The following CTNND2 variants were observed in gnomAD, a reference collection of about 807,000 sequenced individuals.
The protein encoded by CTNND2 is catenin delta-2.
A neutral mutation model predicts 144.4 loss-of-function variants in CTNND2; 22 were observed. The ratio of observed to expected loss-of-function variants is 0.15; its 90% confidence interval spans 0.11 to 0.22. The LOEUF is 0.22. Among genes scored for constraint, CTNND2 ranks in the 10% least tolerant of loss-of-function variants. The pLI is 1.00. For missense variants in CTNND2, 1,353 were observed against 1,618.8 expected, an observed-to-expected ratio of 0.84 and a Z score of 2.82; for synonymous variants, 751 against 695.6, an observed-to-expected ratio of 1.08 and a Z score of -1.25.
At chr5:11,732,947 A>C (rs1481588987) in intron 1 of CTNND2, among the ~76,000 whole-genome samples, 1 of 151,960 alleles carries the variant, frequency 6.6e-6, no homozygotes, top group Non-Finnish European at 1.5e-5. Flanking sequence ...GCCTCCATAA[A>C]ACCCCAGAGG....
Position 11,384,783 on chromosome 5 carries a change from G to C in CTNND2, c.1059C>G (p.Ile353Met). 1 of 1,613,188 alleles carries C rather than the reference G, an allele frequency of 6.2e-7. No individual in the cohort carries two copies. The highest frequency in any genetic ancestry group is 8.5e-7 in the Non-Finnish European group (1 of 1,179,702). ...TGGGCGACAGGGTGGCGTACGTGCC[G>C]ATGGTGGAGCTCAGCTGGTGGATGG... is the stretch of plus-strand genomic sequence containing the variant. ...SSPIHQLSST[I>M]GTYATLSPTK... The change falls in exon 7 of 22, where the codon ATC becomes ATG. Residue 353 changes from isoleucine to methionine, a missense_variant. By Grantham distance (10) the Ile-to-Met change is conservative. Coordinates refer to ENST00000304623, the MANE Select transcript of CTNND2 (RefSeq NM_001332.4). This position sits in a 1 kb window ranked among gnomAD's most constrained non-coding sequence, Gnocchi z 5.2.
intron 15 of CTNND2, among the ~76,000 whole-genome samples, chr5:11,091,331 G>A (rs935312536): frequency 1.3e-5 from 2 of 152,108 alleles, no homozygotes; most frequent in African/African-American, 4.8e-5. Context: ...GACTCTAGAG[G>A]TTTTATTTGA....
chr5:11,102,223 T>C (rs1033580944), intron 14 of CTNND2, among the ~76,000 whole-genome samples: 3 of 152,200 alleles, frequency 2.0e-5, no homozygotes, highest in Admixed American at 6.5e-5. Flanking sequence ...CTTACAGATA[T>C]TACTTCAATG....
At chr5:11,493,463 T>A (rs373477033) in intron 3 of CTNND2, among the ~76,000 whole-genome samples, 1 of 152,216 alleles carries the variant, frequency 6.6e-6, no homozygotes, top group African/African-American at 2.4e-5. Flanking sequence ...GAAGGTTCCT[T>A]AGAGCTGTAC....
At chr5:11,468,912 G>T (rs1766910653) in intron 3 of CTNND2, among the ~76,000 whole-genome samples, 1 of 152,132 alleles carries the variant, frequency 6.6e-6, no homozygotes, top group Non-Finnish European at 1.5e-5. Context: ...AGTCACATTT[G>T]CCTGTGCTGT....
intron 2 of CTNND2, among the ~76,000 whole-genome samples, chr5:11,641,754 G>GTACATACATATACGTATATGTATGTACA (rs1782048299): frequency 8.1e-6 from 1 of 123,452 alleles, no homozygotes; most frequent in Non-Finnish European, 1.6e-5. Context: ...ACGTGTGTAT[G>GTACATACATATACGTATATGTATGTACA]TACATACATA....
chr5:11,623,813 TATATATATATATATATATATATATA>T (rs1781000354), intron 2 of CTNND2, among the ~76,000 whole-genome samples: 1 of 21,774 alleles, frequency 4.6e-5, no homozygotes, highest in Admixed American at 4.7e-4. Flanking sequence ...TGTATGTATA[TATATATATATATATATATATATATA>T]TATATATATA....
intron 11 of CTNND2, among the ~76,000 whole-genome samples, chr5:11,185,070 G>A (rs988754735): frequency 6.6e-6 from 1 of 152,196 alleles, no homozygotes; most frequent in Non-Finnish European, 1.5e-5. Context: ...AAAGAAGCAT[G>A]CAAAGAGAGT....
In CTNND2 at chr5:11,755,663, T is replaced by C. The variant is rs550920930; in HGVS notation, c.38-23391A>G. ...CTTCTTTTTTTTTTTTGTCTGATCATTTTATTTTGCAGAACTGGTCTTTGA... is the reference window on the plus strand; with the variant it reads ...CTTCTTTTTTTTTTTTGTCTGATCACTTTATTTTGCAGAACTGGTCTTTGA... On this transcript the variant is annotated intron_variant, in intron 1 of 21. Transcript: ENST00000304623. Among the ~76,000 whole-genome samples the C allele has an allele frequency of 4.0e-5, 6 of 149,744 alleles. No homozygotes were observed. In the East Asian group the frequency reaches 7.9e-4, roughly 20 times the overall value.
intron 16 of CTNND2, among the ~76,000 whole-genome samples, chr5:11,026,482 C>T (rs11746774): frequency 0.075 from 11,300 of 151,586 alleles, 547 homozygotes; most frequent in Non-Finnish European, 0.1. Flanking sequence ...CTCAGCCTCC[C>T]GAGTAGCTGG....
chr5:11,748,765 T>C (rs1189213899), intron 1 of CTNND2, among the ~76,000 whole-genome samples: 1 of 152,028 alleles, frequency 6.6e-6, no homozygotes, highest in South Asian at 2.1e-4. Context: ...TTGGGTTGAG[T>C]TTGGGAGTAT....
At chr5:11,750,734 T>C (rs1286933889) in intron 1 of CTNND2, among the ~76,000 whole-genome samples, 2 of 151,960 alleles carry the variant, frequency 1.3e-5, no homozygotes, top group Middle Eastern at 6.8e-3. Context: ...ATTTTTATTA[T>C]ATTTTAAAAA....
intron 17 of CTNND2, among the ~76,000 whole-genome samples, chr5:11,020,621 AT>A (rs1742141247): frequency 6.6e-6 from 1 of 152,192 alleles, no homozygotes; most frequent in Non-Finnish European, 1.5e-5. Flanking sequence ...ATTCTCCTGA[AT>A]TCATTTTGTT....
chr5:11,230,297 G>A (rs2149884086), intron 10 of CTNND2, among the ~76,000 whole-genome samples: 1 of 150,966 alleles, frequency 6.6e-6, no homozygotes, highest in South Asian at 2.1e-4. Flanking sequence ...CAGCGCACCA[G>A]CATGGCACAT....
intron 1 of CTNND2, among the ~76,000 whole-genome samples, chr5:11,796,229 C>T (rs1791394787): frequency 1.3e-5 from 2 of 152,210 alleles, no homozygotes; most frequent in African/African-American, 2.4e-5. Context: ...GCTAACCCCC[C>T]TCACCGTGCA....
chr5:11,357,141 A>G (rs764795565), intron 8 of CTNND2, among the ~76,000 whole-genome samples: 1 of 152,174 alleles, frequency 6.6e-6, no homozygotes, highest in Non-Finnish European at 1.5e-5. Context: ...AATTAAAAAT[A>G]GAGTTACCAT....
rs1346650450 is a variant in CTNND2 at position 11,382,595 on chromosome 5, CTGTGT to C, written c.1177+2065_1177+2069del. Among the ~76,000 whole-genome samples, 20 of 130,234 alleles carry C rather than the reference CTGTGT, an allele frequency of 1.5e-4. No homozygotes were observed. The East Asian group carries it at 4.4e-3, about 28-fold the overall frequency. The allele number at this position is 130,234 out of a possible 152,430, so 85.4% of individuals were successfully genotyped here. A position where few individuals can be genotyped will look rare whatever the true frequency, so the allele number is the denominator to read the frequency against. On this transcript the variant is annotated intron_variant, in intron 7 of 21. Coordinates refer to ENST00000304623, the MANE Select transcript of CTNND2 (RefSeq NM_001332.4). The stretch of plus-strand genomic sequence containing the variant: ...CCTGGGCAACCGACAGAGTGAGACT[CTGTGT>C]GTGTGTGTGTGTGTGTGTGTGTGTG...
chr5:11,901,655 T>C (rs750232947), intron 1 of CTNND2, among the ~76,000 whole-genome samples: 7 of 152,212 alleles, frequency 4.6e-5, no homozygotes, highest in Non-Finnish European at 1.0e-4. Context: ...CGCAAGACTA[T>C]GACAATTTTA....
At chr5:11,215,201 CT>C (rs1240721414) in intron 10 of CTNND2, among the ~76,000 whole-genome samples, 5 of 152,198 alleles carry the variant, frequency 3.3e-5, no homozygotes, top group African/African-American at 1.2e-4. Context: ...CAGATTCACA[CT>C]TGGGAACAAG....
Sources: gnomAD v4.1 joint callset for allele counts (sites outside exome capture counted in the v4.1 genomes callset) on GRCh38, gnomAD v4.1.1 for gene constraint, Gnocchi (gnomAD v3.1) non-coding constraint, MANE v1.5 for transcripts, NCBI Gene and HGNC (gene_info 2026-07-23, HGNC 2026-07-21) for gene names.